The following SCHIP1 variants were observed in gnomAD, a reference collection of about 807,000 sequenced individuals.
SCHIP1 encodes schwannomin-interacting protein 1.
In SCHIP1, 8 loss-of-function variants were observed where a neutral mutation model predicts 29.7. The ratio of observed to expected loss-of-function variants is 0.27; its 90% CI spans 0.16 to 0.49. SCHIP1 has a LOEUF of 0.49. Among genes scored for constraint, SCHIP1 ranks in the 20% least tolerant of loss-of-function variants. SCHIP1 has a pLI of 0.99. For missense variants in SCHIP1, 193 were observed against 294.6 expected (o/e 0.66, Z 2.52); for synonymous variants, 76 against 94.9 (o/e 0.80, Z 1.16).
chr3:159,510,576 G>GT, the SCHIP1 span, among the ~76,000 whole-genome samples: 1 of 152,184 alleles, frequency 6.6e-6, no homozygotes, highest in South Asian at 2.1e-4. Context: ...TTTCTGCTCT[G>GT]TTTTTTCCCC....
the SCHIP1 span, among the ~76,000 whole-genome samples, chr3:159,462,151 G>A: frequency 2.6e-5 from 4 of 152,096 alleles, no homozygotes; most frequent in East Asian, 3.9e-4. Context: ...CGAGGTTGCA[G>A]TGAGCTGAGA....
At chr3:159,461,712 A>G in the SCHIP1 span, among the ~76,000 whole-genome samples, 2 of 151,448 alleles carry the variant, frequency 1.3e-5, no homozygotes, top group Non-Finnish European at 2.9e-5. Context: ...AACAGTTACT[A>G]TTTTGAGAGT....
chr3:159,487,596 G>A, the SCHIP1 span, among the ~76,000 whole-genome samples: 3 of 152,164 alleles, frequency 2.0e-5, no homozygotes, highest in Non-Finnish European at 4.4e-5. Context: ...AGGTGTTGCT[G>A]TGAATGCTCT....
At chr3:159,399,532 T>G in the SCHIP1 span, among the ~76,000 whole-genome samples, 1 of 152,156 alleles carries the variant, frequency 6.6e-6, no homozygotes, top group African/African-American at 2.4e-5. Context: ...AAGTTCTCCA[T>G]TTTATTGACT....
At chr3:159,524,720 A>C in the SCHIP1 span, among the ~76,000 whole-genome samples, 1 of 152,176 alleles carries the variant, frequency 6.6e-6, no homozygotes, top group South Asian at 2.1e-4. Context: ...GAAAATTGTT[A>C]AGTCTCAGAT....
At chr3:159,359,020 C>G in the SCHIP1 span, among the ~76,000 whole-genome samples, 2 of 149,984 alleles carry the variant, frequency 1.3e-5, no homozygotes, top group Non-Finnish European at 3.0e-5. Context: ...CTCCGCCTCC[C>G]TGGTTCAAGC....
At chr3:159,396,236 C>T in the SCHIP1 span, among the ~76,000 whole-genome samples, 13 of 151,354 alleles carry the variant, frequency 8.6e-5, no homozygotes, top group East Asian at 1.5e-3. Context: ...GATGGGTTTC[C>T]TGAATACAGC....
the SCHIP1 span, among the ~76,000 whole-genome samples, chr3:159,365,546 A>G: frequency 6.6e-6 from 1 of 152,216 alleles, no homozygotes; most frequent in African/African-American, 2.4e-5. Flanking sequence ...GTTTAGTGCT[A>G]TACCCTGGTG....
chr3:159,660,609 G>A, the SCHIP1 span, among the ~76,000 whole-genome samples: 1 of 152,150 alleles, frequency 6.6e-6, no homozygotes, highest in Non-Finnish European at 1.5e-5. Flanking sequence ...GAACAGTGCA[G>A]CAAAGAATGT....
the SCHIP1 span, among the ~76,000 whole-genome samples, chr3:159,824,863 C>G: frequency 6.6e-6 from 1 of 152,166 alleles, no homozygotes; most frequent in Non-Finnish European, 1.5e-5. Context: ...GTTTGTTTTC[C>G]TCTAAGAAAA....
intron 2 of SCHIP1, among the ~76,000 whole-genome samples, chr3:159,871,032 G>A (rs943068927): frequency 1.3e-5 from 2 of 151,880 alleles, no homozygotes; most frequent in African/African-American, 2.4e-5. Flanking sequence ...ATTTTTCTAG[G>A]AATATGTCCA....
chr3:159,477,649 T>C, the SCHIP1 span, among the ~76,000 whole-genome samples: 1 of 152,202 alleles, frequency 6.6e-6, no homozygotes, highest in Non-Finnish European at 1.5e-5. Context: ...CTTCTTGCTA[T>C]TGAATTCTTT....
At chr3:159,396,967 G>A in the SCHIP1 span, among the ~76,000 whole-genome samples, 8 of 142,382 alleles carry the variant, frequency 5.6e-5, no homozygotes, top group African/African-American at 1.7e-4. Context: ...GCAATCAGAC[G>A]TAGATTTGGT....
At chr3:159,780,714 A>G in the SCHIP1 span, among the ~76,000 whole-genome samples, 4 of 152,186 alleles carry the variant, frequency 2.6e-5, no homozygotes, top group Non-Finnish European at 5.9e-5. Flanking sequence ...TCTGTGACCC[A>G]TAGTGTCCAC....
At chr3:159,327,979 G>A in the SCHIP1 span, among the ~76,000 whole-genome samples, 15 of 152,270 alleles carry the variant, frequency 9.9e-5, 1 homozygote, top group African/African-American at 3.6e-4. Flanking sequence ...TGGTTAGAAG[G>A]AAACCCTGAG....
the SCHIP1 span, among the ~76,000 whole-genome samples, chr3:159,750,253 A>ATGTG: frequency 9.2e-5 from 3 of 32,490 alleles, no homozygotes; most frequent in South Asian, 1.8e-3. Flanking sequence ...ATAGGTGTGT[A>ATGTG]TGTGTGTGTG....
At chr3:159,735,476 C>T in the SCHIP1 span, among the ~76,000 whole-genome samples, 2 of 151,896 alleles carry the variant, frequency 1.3e-5, no homozygotes, top group Non-Finnish European at 2.9e-5. Flanking sequence ...GTGATCTGCC[C>T]GCCTCAGCCT....
the SCHIP1 span, among the ~76,000 whole-genome samples, chr3:159,345,554 T>TCTCTCTCTCTCTCTCTCTCTCTC: frequency 2.1e-5 from 2 of 93,446 alleles, no homozygotes; most frequent in African/African-American, 7.8e-5. Context: ...GTGTCTCTCT[T>TCTCTCTCTCTCTCTCTCTCTCTC]TCTCTCTCTC....
chr3:159,353,574 C>G, the SCHIP1 span, among the ~76,000 whole-genome samples: 3 of 152,210 alleles, frequency 2.0e-5, no homozygotes, highest in Admixed American at 6.5e-5. Context: ...GTCTACAAAA[C>G]TTACTTGTCT....
Sources: allele counts gnomAD v4.1 joint callset (sites outside exome capture counted in the v4.1 genomes callset), GRCh38; gene constraint gnomAD v4.1.1; transcripts MANE v1.5; gene names NCBI Gene and HGNC (gene_info 2026-07-23, HGNC 2026-07-21).